RNF138: variants seen among roughly 807,000 people sequenced by gnomAD.
The protein encoded by RNF138 is E3 ubiquitin-protein ligase RNF138.
In RNF138, 12 loss-of-function variants were observed where a neutral mutation model predicts 31.0. That is an observed-to-expected ratio of 0.39 (90% confidence interval 0.25 to 0.63). RNF138 has a LOEUF of 0.63. RNF138 is among the 20% of genes least tolerant of loss of function. The probability of loss-of-function intolerance (pLI) is 0.52; values close to 1 mark genes in which losing one functional copy is unlikely to be tolerated. For missense variants in RNF138, 192 were observed against 300.1 expected (o/e 0.64, Z 2.66); for synonymous variants, 105 against 99.5 (o/e 1.06, Z -0.33).
chr18:32,093,234 C>T (rs2039740305), intron 2 of RNF138, among the ~76,000 whole-genome samples: 1 of 152,174 alleles, frequency 6.6e-6, no homozygotes, highest in Non-Finnish European at 1.5e-5. Flanking sequence ...CTCCGCCAGG[C>T]CCGGGAGGAA....
At chr18:32,100,223 A>T (rs527712160) in intron 2 of RNF138, among the ~76,000 whole-genome samples, 17 of 146,270 alleles carry the variant, frequency 1.2e-4, no homozygotes, top group Admixed American at 8.0e-4. Flanking sequence ...TATATATATA[A>T]AATCTTTGGT....
At chr18:32,097,428 A>G (rs1258625248) in intron 2 of RNF138, among the ~76,000 whole-genome samples, 1 of 152,180 alleles carries the variant, frequency 6.6e-6, no homozygotes, top group Non-Finnish European at 1.5e-5. Context: ...TTGAACATCC[A>G]GTTCCTGAGT....
intron 4 of RNF138, among the ~76,000 whole-genome samples, chr18:32,119,338 A>G (rs750243422): frequency 6.6e-6 from 1 of 152,342 alleles, no homozygotes; most frequent in East Asian, 1.9e-4. Flanking sequence ...GGGATCAAAC[A>G]GTCCTCCCGC....
intron 4 of RNF138, among the ~76,000 whole-genome samples, chr18:32,115,758 C>T (rs771609381): frequency 5.3e-5 from 8 of 151,942 alleles, no homozygotes; most frequent in African/African-American, 7.2e-5. Context: ...CACACACACA[C>T]GCACACACAC....
chr18:32,093,381 A>G (rs1049741074), intron 2 of RNF138, among the ~76,000 whole-genome samples: 7 of 152,116 alleles, frequency 4.6e-5, no homozygotes, highest in African/African-American at 1.4e-4. Context: ...TTCCTCTTTC[A>G]GAACCTTGGT....
chr18:32,097,123 C>T (rs1343325345), intron 2 of RNF138, among the ~76,000 whole-genome samples: 2 of 152,158 alleles, frequency 1.3e-5, no homozygotes, highest in East Asian at 1.9e-4. Flanking sequence ...TACAGACTGG[C>T]GTAGGAGTAA....
At chr18:32,101,523 T>C (rs552649263) in intron 2 of RNF138, among the ~76,000 whole-genome samples, 1 of 152,334 alleles carries the variant, frequency 6.6e-6, no homozygotes, top group Non-Finnish European at 1.5e-5. Context: ...TTTTTAAGCC[T>C]TAGTTTCCTC....
chr18:32,123,585 GA>G lies in RNF138; in HGVS notation c.449+16del. 1 of 1,540,192 alleles carries G rather than the reference GA, an allele frequency of 6.5e-7. No individual in the cohort carries two copies. The highest frequency in any genetic ancestry group is 1.2e-5 in the South Asian group (1 of 84,210). Reference sequence around the variant, plus strand: ...CCAAGAGAATACAAGGTAAGCTTTTGAAAAATCCTGCCACTTTAGCAAGTAA... The same window carrying G: ...CCAAGAGAATACAAGGTAAGCTTTTGAAAATCCTGCCACTTTAGCAAGTAA... On this transcript the variant is annotated intron_variant, in intron 5 of 7. Coordinates refer to ENST00000261593, the MANE Select transcript of RNF138 (RefSeq NM_016271.5).
chr18:32,094,642 A>T lies in RNF138; in HGVS notation c.110+1756A>T, dbSNP rs141437350. Among the ~76,000 whole-genome samples, 33 of 152,316 alleles carry T rather than the reference A, an allele frequency of 2.2e-4. 1 individual carries two copies. The East Asian group carries it at 5.6e-3, about 26-fold the overall frequency. On this transcript the variant is annotated intron_variant, in intron 2 of 7. Coordinates refer to ENST00000261593, the MANE Select transcript of RNF138 (RefSeq NM_016271.5). ...AACGTTTGGAGGTGTCTAGGGCACA[A>T]TATAGATCTTCCACCTTTAATCTAG...
chr18:32,112,693 A>G (rs1230620320), intron 3 of RNF138, among the ~76,000 whole-genome samples: 1 of 152,226 alleles, frequency 6.6e-6, no homozygotes, highest in Non-Finnish European at 1.5e-5. Context: ...AAAAAAAAGA[A>G]GAAGAAAGAA....
Position 32,123,539 on chromosome 18 carries a change from A to G in RNF138, c.414A>G (p.Thr138=). The change falls in exon 5 of 8, where the codon ACA becomes ACG. Residue 138 remains threonine, a synonymous_variant. Transcript: ENST00000261593. ...VGNSNRSETS[T]SDNTETYQEN... is the part of the protein sequence containing the mutation. ...TAAGCAATAGGAGTGAAACATCCAC[A>G]TCTGATAACACAGAAACTTACCAAG... 1.3e-6 allele frequency: 2 copies of G among 1,592,312 alleles called. No homozygotes were observed. The highest frequency in any genetic ancestry group is 1.7e-6 in the Non-Finnish European group (2 of 1,171,654).
intron 2 of RNF138, among the ~76,000 whole-genome samples, chr18:32,097,439 T>G (rs2039829340): frequency 6.6e-6 from 1 of 152,174 alleles, no homozygotes; most frequent in Non-Finnish European, 1.5e-5. Flanking sequence ...GTTCCTGAGT[T>G]TTTAGTTCAT....
chr18:32,123,650 A>C lies in RNF138; in HGVS notation c.449+76A>C, dbSNP rs567807642. ...ACTTATCAAATAGCTTTTTAAATTA[A>C]ACTTTTTTTTTTTTTTTTTGAGACG... On this transcript the variant is annotated intron_variant, in intron 5 of 7. Transcript: ENST00000261593. 6.5e-4 allele frequency: 688 copies of C among 1,061,788 alleles called. 2 individuals are homozygous for C. Among genetic ancestry groups the C allele is most frequent in the South Asian group, 2.3e-3 (143 of 62,874 alleles). 65.8% of individuals were successfully genotyped at this position (1,061,788 alleles called of 1,614,324 possible). A position where few individuals can be genotyped will look rare whatever the true frequency, so the allele number is the denominator to read the frequency against.
intron 2 of RNF138, among the ~76,000 whole-genome samples, chr18:32,094,790 A>G (rs2039775448): frequency 6.6e-6 from 1 of 152,128 alleles, no homozygotes; most frequent in African/African-American, 2.4e-5. Context: ...CTATATATAT[A>G]TATATAAAGC....
At chr18:32,120,131 AG>A (rs1209206841) in intron 4 of RNF138, among the ~76,000 whole-genome samples, 2 of 152,144 alleles carry the variant, frequency 1.3e-5, no homozygotes, top group Non-Finnish European at 2.9e-5. Flanking sequence ...TCCTGATTTT[AG>A]TGGGAATACA....
chr18:32,099,951 C>A (rs1007393933), intron 2 of RNF138, among the ~76,000 whole-genome samples: 2 of 152,188 alleles, frequency 1.3e-5, no homozygotes, highest in African/African-American at 4.8e-5. Context: ...ATACATCACA[C>A]AAGAATAATT....
chr18:32,117,534 A>C (rs956301496), intron 4 of RNF138, among the ~76,000 whole-genome samples: 40 of 152,216 alleles, frequency 2.6e-4, no homozygotes, highest in African/African-American at 9.4e-4. Context: ...AAATCCATAG[A>C]TCATTTCACT....
rs2040468519 is a variant in RNF138, at chr18:32,131,050, T to G, written c.*1863T>G. On this transcript the variant is annotated 3_prime_UTR_variant, in exon 8 of 8. Transcript: ENST00000261593. ...GTTTAATACATCCAATATGTCAAGT[T>G]AAACCATTCTGGGATTTGCAAAGTT... The G allele has an allele frequency of 6.6e-6, 1 of 151,324 alleles. No individual in the cohort carries two copies. The highest frequency in any genetic ancestry group is 2.4e-5 in the African/African-American group (1 of 41,088). The allele number at this position is 151,324 out of a possible 1,614,324, so 9.4% of individuals were successfully genotyped here. A position where few individuals can be genotyped will look rare whatever the true frequency, so the allele number is the denominator to read the frequency against.
chr18:32,129,055 T>C (rs1568243547), intron 7 of RNF138, 64 bp from the exon 8 acceptor site: 3 of 1,084,092 alleles, frequency 2.8e-6, no homozygotes, highest in Non-Finnish European at 4.3e-6. Context: ...GTCTAATGTT[T>C]TGGGCAAAGT....
Sources: gnomAD v4.1 joint callset for allele counts (sites outside exome capture counted in the v4.1 genomes callset) on GRCh38, gnomAD v4.1.1 for gene constraint, MANE v1.5 for transcripts, NCBI Gene and HGNC (gene_info 2026-07-23, HGNC 2026-07-21) for gene names.